CNTN4: variants seen among roughly 807,000 people sequenced by gnomAD.
CNTN4 encodes the protein contactin 4, also known as contactin-4.
A neutral mutation model predicts 122.5 loss-of-function variants in CNTN4; 77 were observed. The ratio of observed to expected loss-of-function variants is 0.63; its 90% CI spans 0.52 to 0.76. The LOEUF (loss-of-function observed/expected upper bound fraction) is 0.76, where lower values mean the gene tolerates loss of function less well. Among genes scored for constraint, CNTN4 ranks in the 30% least tolerant of loss-of-function variants. CNTN4 has a pLI of 0.00. For missense variants in CNTN4, 1,256 were observed against 1,259.1 expected, an observed-to-expected ratio of 1.00 and a Z score of 0.04; for synonymous variants, 512 against 447.0, an observed-to-expected ratio of 1.15 and a Z score of -1.83.
At chr3:2,679,689 A>T (rs35046806) in intron 4 of CNTN4, among the ~76,000 whole-genome samples, 1 of 152,152 alleles carries the variant, frequency 6.6e-6, no homozygotes, top group Non-Finnish European at 1.5e-5. Context: ...AAAAGGATGC[A>T]TTAGCTCTTG....
chr3:2,746,240 T>G (rs2089765529), intron 6 of CNTN4, among the ~76,000 whole-genome samples: 2 of 152,330 alleles, frequency 1.3e-5, no homozygotes, highest in East Asian at 3.9e-4. Flanking sequence ...CCTACAATTC[T>G]CTAATTGTTT....
At chr3:2,152,441 G>C (rs1195835150) in intron 2 of CNTN4, among the ~76,000 whole-genome samples, 1 of 152,152 alleles carries the variant, frequency 6.6e-6, no homozygotes, top group African/African-American at 2.4e-5. Flanking sequence ...AAAGTTAGGA[G>C]CAGGGTGACT....
intron 3 of CNTN4, among the ~76,000 whole-genome samples, chr3:2,535,871 G>A (rs932040203): frequency 1.3e-5 from 2 of 152,060 alleles, no homozygotes; most frequent in African/African-American, 2.4e-5. Flanking sequence ...TGTTTGAGAT[G>A]TCTCTGTGAA....
intron 3 of CNTN4, among the ~76,000 whole-genome samples, chr3:2,433,825 A>T (rs1273262468): frequency 6.6e-6 from 1 of 152,170 alleles, no homozygotes; most frequent in Non-Finnish European, 1.5e-5. Flanking sequence ...TTCCAATTTC[A>T]TTCTACTTGC....
chr3:2,118,689 G>T (rs1011778822), intron 2 of CNTN4, among the ~76,000 whole-genome samples: 3 of 152,134 alleles, frequency 2.0e-5, no homozygotes, highest in African/African-American at 7.2e-5. Context: ...GAGTTTGATA[G>T]ATTTTTTTGG....
At chr3:2,466,970 C>CTTTTTTTTTTTTTTTTTTTCT (rs60879017) in intron 3 of CNTN4, among the ~76,000 whole-genome samples, 1 of 115,812 alleles carries the variant, frequency 8.6e-6, no homozygotes, top group Non-Finnish European at 1.7e-5. Context: ...TTCTTTCTTT[C>CTTTTTTTTTTTTTTTTTTTCT]TTTTTTTTTT....
chr3:2,231,841 T>C (rs1248353970), intron 2 of CNTN4, among the ~76,000 whole-genome samples: 1 of 152,158 alleles, frequency 6.6e-6, no homozygotes, highest in African/African-American at 2.4e-5. Context: ...CTGATAAAAA[T>C]ATGCTAATTG....
chr3:2,123,326 T>G (rs1254092137), intron 2 of CNTN4, among the ~76,000 whole-genome samples: 2 of 152,216 alleles, frequency 1.3e-5, no homozygotes, highest in African/African-American at 2.4e-5. Context: ...CAGAGCTATC[T>G]CCCTCTGCCT....
chr3:2,495,927 G>A (rs549507477), intron 3 of CNTN4, among the ~76,000 whole-genome samples: 2 of 152,278 alleles, frequency 1.3e-5, no homozygotes, highest in South Asian at 4.1e-4. Context: ...CACAGAGAAG[G>A]CACAGATGGC....
chr3:2,399,937 C>G (rs1313528709), intron 3 of CNTN4, among the ~76,000 whole-genome samples: 1 of 151,946 alleles, frequency 6.6e-6, no homozygotes, highest in East Asian at 1.9e-4. Context: ...CAGATACAAT[C>G]AATAAATGTG....
intron 6 of CNTN4, among the ~76,000 whole-genome samples, chr3:2,814,884 C>A (rs1293146181): frequency 6.6e-6 from 1 of 152,182 alleles, no homozygotes; most frequent in African/African-American, 2.4e-5. Flanking sequence ...AAGAAAAGTA[C>A]TTGGCCACAT....
rs145600000 is a variant in CNTN4 at position 2,360,555 on chromosome 3, A to G, written c.-89+21322A>G. ...TATAAAGAACTTCCCGAGACTGGGT[A>G]ATTTATAAAGGAAAGAGGCTTAATT... is the stretch of plus-strand genomic sequence containing the variant. On this transcript the variant is annotated intron_variant, in intron 3 of 24. Coordinates refer to ENST00000418658, the MANE Select transcript of CNTN4 (RefSeq NM_175607.3). Among the ~76,000 whole-genome samples the G allele has an allele frequency of 1.4e-3, 212 of 152,274 alleles. 1 individual carries two copies. The highest frequency in any genetic ancestry group is 0.01 in the Middle Eastern group (3 of 294).
chr3:3,042,405 C>T lies in CNTN4; in HGVS notation c.2494C>T (p.Arg832Ter), dbSNP rs759065205. Residue 832 changes from arginine to a stop codon, truncating the protein, a stop_gained, in exon 21 of 25, where the codon CGA becomes TGA. Transcript: ENST00000418658. LOFTEE classifies it high-confidence loss of function. ...WASPLEKNRG[R>*]IQGYEVKYWR... ...CTCCCCACTGGAGAAGAATAGAGGA[C>T]GAATACAAGGTTATGAGGTAGGCAA... 3.1e-6 allele frequency: 5 copies of T among 1,610,922 alleles called. No individual in the cohort carries two copies. Among genetic ancestry groups the T allele is most frequent in the Admixed American group, 1.7e-5 (1 of 60,012 alleles).
At chr3:2,554,805 C>T (rs892891916) in intron 3 of CNTN4, among the ~76,000 whole-genome samples, 11 of 152,062 alleles carry the variant, frequency 7.2e-5, no homozygotes, top group African/African-American at 2.7e-4. Flanking sequence ...GGAATTTGGC[C>T]AAAGCTCATA....
intron 3 of CNTN4, among the ~76,000 whole-genome samples, chr3:2,534,743 C>T (rs1314936901): frequency 6.7e-6 from 1 of 148,744 alleles, no homozygotes; most frequent in Non-Finnish European, 1.5e-5. Context: ...GCTCCCTGTT[C>T]TGTCACCTTA....
chr3:2,541,038 A>G (rs2078011580), intron 3 of CNTN4, among the ~76,000 whole-genome samples: 2 of 152,140 alleles, frequency 1.3e-5, no homozygotes, highest in Non-Finnish European at 2.9e-5. Flanking sequence ...ACATAGCTGG[A>G]ACTTATACCC....
intron 2 of CNTN4, among the ~76,000 whole-genome samples, chr3:2,327,364 A>T (rs958845745): frequency 6.6e-6 from 1 of 152,182 alleles, no homozygotes; most frequent in Non-Finnish European, 1.5e-5. Context: ...TATTTATTTC[A>T]TCCTCCTTAT....
chr3:2,178,465 G>T (rs1480175539), intron 2 of CNTN4, among the ~76,000 whole-genome samples: 2 of 151,874 alleles, frequency 1.3e-5, no homozygotes, highest in African/African-American at 4.8e-5. Context: ...AAAAAAAATT[G>T]TAACATCAAA....
chr3:2,121,446 C>T (rs577308847), intron 2 of CNTN4, among the ~76,000 whole-genome samples: 163 of 148,394 alleles, frequency 1.1e-3, no homozygotes, highest in Middle Eastern at 7.0e-3. Context: ...TGCAGTGAGC[C>T]GAGATCACAC....
Sources: gnomAD v4.1 joint callset for allele counts (sites outside exome capture counted in the v4.1 genomes callset) on GRCh38, gnomAD v4.1.1 for gene constraint, MANE v1.5 for transcripts, NCBI Gene and HGNC (gene_info 2026-07-23, HGNC 2026-07-21) for gene names.